Variants in FANCA observed in about 807,000 individuals in gnomAD.
FANCA encodes Fanconi anemia group A protein.
In FANCA, 236 loss-of-function variants were observed where a neutral mutation model predicts 194.3. The ratio of observed to expected loss-of-function variants is 1.21; its 90% confidence interval spans 1.09 to 1.35. The LOEUF (loss-of-function observed/expected upper bound fraction) is 1.35, where lower values mean the gene tolerates loss of function less well. Among genes scored for constraint, FANCA ranks in the 40% most tolerant of loss-of-function variants. The pLI is 0.00. For synonymous variants in FANCA, 1,014 were observed against 715.8 expected (o/e 1.42, Z -6.65); for missense variants, 2,628 against 1,813.9 (o/e 1.45, Z -8.15).
chr16:89,805,310 G>C lies in FANCA; in HGVS notation c.679C>G (p.His227Asp), dbSNP rs142580507. The change falls in exon 7 of 43, where the codon CAT (histidine) becomes GAT (aspartate). Residue 227 changes from histidine (H) to aspartate (D), a missense_variant. Transcript: ENST00000389301. ...LCEQMEASCQ[H>D]ADVARAMLSD... ...AGCATGGCCCTGGCGACGTCAGCAT[G>C]CTGGCAGGATGCTTCCATCTGTTCA... 261 of 1,613,802 alleles carry C rather than the reference G, an allele frequency of 1.6e-4. No homozygotes were observed. The highest frequency in any genetic ancestry group is 2.2e-4 in the Non-Finnish European group (256 of 1,179,898).
intron 17 of FANCA, among the ~76,000 whole-genome samples, chr16:89,780,190 A>T (rs1598130070): frequency 1.3e-5 from 2 of 151,840 alleles, no homozygotes; most frequent in African/African-American, 4.8e-5. Flanking sequence ...CAAGGTTCAG[A>T]CCCCGTGATG....
intron 8 of FANCA, among the ~76,000 whole-genome samples, chr16:89,802,472 G>A (rs1026980481): frequency 6.6e-6 from 1 of 152,042 alleles, no homozygotes; most frequent in Admixed American, 6.6e-5. Flanking sequence ...CACGATCTGG[G>A]CTCACTGCAA....
At chr16:89,759,349 A>AAAAAAAAAAAAAAAAAAAAAAG (rs1386463570) in intron 29 of FANCA, among the ~76,000 whole-genome samples, 1 of 139,460 alleles carries the variant, frequency 7.2e-6, no homozygotes, top group Non-Finnish European at 1.6e-5. Flanking sequence ...AAAAAAAAAA[A>AAAAAAAAAAAAAAAAAAAAAAG]GTAGCCTGGA....
intron 11 of FANCA, 32 bp downstream of exon 11, chr16:89,795,874 T>G: frequency 6.6e-7 from 1 of 1,520,184 alleles, no homozygotes; most frequent in Non-Finnish European, 9.1e-7. Context: ...CCAAAATGGG[T>G]AGCAACTGAG....
rs1287222023 is a variant in FANCA, at chr16:89,816,564, G to T, written c.52C>A (p.Arg18Ser). 1.3e-6 allele frequency: 2 copies of T among 1,512,642 alleles called. No individual in the cohort carries two copies. Among genetic ancestry groups the T allele is most frequent in the Non-Finnish European group, 1.8e-6 (2 of 1,138,476 alleles). 93.7% of individuals were successfully genotyped at this position (1,512,642 alleles called of 1,614,324 possible). A position where few individuals can be genotyped will look rare whatever the true frequency, so the allele number is the denominator to read the frequency against. Reference sequence around the variant, plus strand: ...AGCAGCTCGGCCCAGGCCCTCCGGCGGCCCCCTGGGTCCTGGCCCGAGGCG... The same window carrying T: ...AGCAGCTCGGCCCAGGCCCTCCGGCTGCCCCCTGGGTCCTGGCCCGAGGCG... ...NSASGQDPGG[R>S]RRAWAELLAG... The change falls in exon 1 of 43, where the codon CGC becomes AGC. Residue 18 changes from arginine to serine, a missense_variant. Coordinates refer to ENST00000389301, the MANE Select transcript of FANCA (RefSeq NM_000135.4).
chr16:89,796,812 G>T (rs1391589343), intron 10 of FANCA, among the ~76,000 whole-genome samples: 1 of 151,892 alleles, frequency 6.6e-6, no homozygotes, highest in Non-Finnish European at 1.5e-5. Flanking sequence ...CACAAGGTCA[G>T]GAGATCAAGA....
At chr16:89,778,330 G>A (rs933682772) in intron 20 of FANCA, 7 of 349,478 alleles carry the variant, frequency 2.0e-5, no homozygotes, top group African/African-American at 1.2e-4. Flanking sequence ...GCAGGGCGTG[G>A]TGGTGCATAC....
chr16:89,776,048 C>A lies in FANCA; in HGVS notation c.1827-233G>T, dbSNP rs117013109. Among the ~76,000 whole-genome samples the A allele has an allele frequency of 1.1e-3, 173 of 151,470 alleles. 2 individuals carry two copies. In the East Asian group the frequency reaches 0.028, roughly 24 times the overall value. On this transcript the variant is annotated intron_variant, in intron 20 of 42. Coordinates refer to ENST00000389301, the MANE Select transcript of FANCA (RefSeq NM_000135.4). ...ATATATTAATATCTAAGGAGCTAGA[C>A]CACAAAATACCACCAGTGATTATCC...
chr16:89,755,938 G>C (rs1329557179), intron 30 of FANCA, among the ~76,000 whole-genome samples: 1 of 149,020 alleles, frequency 6.7e-6, no homozygotes, highest in East Asian at 2.0e-4. Flanking sequence ...ACAGACCAGA[G>C]CCCCCGCACA....
In FANCA at chr16:89,767,208, A is replaced by G. The variant is rs1173704265; in HGVS notation, c.2534T>C (p.Leu845Pro). 11 of 1,613,494 alleles carry G rather than the reference A, an allele frequency of 6.8e-6. No homozygotes were observed. The highest frequency in any genetic ancestry group is 9.3e-6 in the Non-Finnish European group (11 of 1,179,536). The change falls in exon 27 of 43, where the codon CTC becomes CCC. Residue 845 changes from leucine (L) to proline (P), a missense_variant. Leu to Pro is a moderately conservative substitution (Grantham distance 98). Coordinates refer to ENST00000389301, the MANE Select transcript of FANCA (RefSeq NM_000135.4). ...KFCTAAISYS[L>P]CKFSSQSRDT... Reference sequence around the variant, plus strand: ...TCGTGACTGGGAAGAAAACTTGCAGAGAGAGTAAGAAATTGCTGCTGTACA... The same window carrying G: ...TCGTGACTGGGAAGAAAACTTGCAGGGAGAGTAAGAAATTGCTGCTGTACA...
In FANCA at chr16:89,802,091, G is replaced by A. The variant is rs1266635620; in HGVS notation, c.792+1168C>T. Among the ~76,000 whole-genome samples, 3 of 152,038 alleles carry A rather than the reference G, an allele frequency of 2.0e-5. No individual in the cohort carries two copies. In the South Asian group the frequency reaches 6.2e-4, roughly 32 times the overall value. ...AGAGATGACCGGATACAGAAAACGTGGTATATACACACAACGGAATACTGG... is the reference window on the plus strand; with the variant it reads ...AGAGATGACCGGATACAGAAAACGTAGTATATACACACAACGGAATACTGG... On this transcript the variant is annotated intron_variant, in intron 8 of 42. Coordinates refer to ENST00000389301, the MANE Select transcript of FANCA (RefSeq NM_000135.4).
intron 39 of FANCA, 58 bp downstream of exon 39, chr16:89,739,936 A>C: frequency 6.2e-7 from 1 of 1,606,310 alleles, no homozygotes; most frequent in East Asian, 2.2e-5. Context: ...AACCATTTGC[A>C]AGATGCCTCT....
In FANCA at chr16:89,775,806, T is replaced by A. The variant is rs1371765321; in HGVS notation, c.1836A>T (p.Lys612Asn). 1 of 1,611,080 alleles carries A rather than the reference T, an allele frequency of 6.2e-7. No individual in the cohort carries two copies. The highest frequency in any genetic ancestry group is 2.2e-5 in the East Asian group (1 of 44,854). The change falls in exon 21 of 43, where the codon AAA (lysine) becomes AAT (asparagine). Residue 612 changes from lysine (K) to asparagine (N), a missense_variant. Transcript: ENST00000389301. ...AFIESLKRADKIPPSLYSTYC... is the reference protein window; with the variant it reads ...AFIESLKRADNIPPSLYSTYC... ...AGGTGGAGTACAGAGATGGGGGGAT[T>A]TTATCTGCTCTGGATCACAGGAAAA...
chr16:89,746,324 C>G (rs2038386267), intron 35 of FANCA, among the ~76,000 whole-genome samples: 1 of 152,170 alleles, frequency 6.6e-6, no homozygotes, highest in Admixed American at 6.5e-5. Context: ...CCCGTGGGGT[C>G]TGAGTGGGGT....
At chr16:89,759,850 C>G (rs559043356) in intron 29 of FANCA, among the ~76,000 whole-genome samples, 3 of 152,228 alleles carry the variant, frequency 2.0e-5, no homozygotes, top group Admixed American at 2.0e-4. Flanking sequence ...ACGCTCCACA[C>G]GACCCTGCAA....
In FANCA at chr16:89,779,951, T is replaced by A; in HGVS notation, c.1633A>T (p.Ser545Cys). 9 of 1,614,170 alleles carry A rather than the reference T, an allele frequency of 5.6e-6. No homozygotes were observed. The highest frequency in any genetic ancestry group is 7.6e-6 in the Non-Finnish European group (9 of 1,180,010). ...TTTTCAACATCCTGAAGAGCTTGGC[T>A]GTGGGGCTGGTTCCCATACAGGGAG... ...SSAGDITEPH[S>C]QALQDVEKAI... is the part of the protein sequence containing the mutation. The change falls in exon 18 of 43, where the codon AGC (serine) becomes TGC (cysteine). Residue 545 changes from serine to cysteine, a missense_variant. Ser to Cys is a moderately radical substitution (Grantham distance 112, BLOSUM62 -1). Transcript: ENST00000389301.
At chr16:89,779,056 T>C in intron 18 of FANCA, 53 bp from the exon 19 acceptor site, 2 of 1,558,126 alleles carry the variant, frequency 1.3e-6, no homozygotes, top group East Asian at 4.5e-5. Flanking sequence ...AGAAGGCAAT[T>C]CCCACAGACG....
At chr16:89,760,168 C>G (rs553206825) in intron 29 of FANCA, among the ~76,000 whole-genome samples, 1 of 152,272 alleles carries the variant, frequency 6.6e-6, no homozygotes, top group Non-Finnish European at 1.5e-5. Context: ...CCTCATGCAG[C>G]AGACAAGCCC....
At chr16:89,758,957 G>A (rs546109565) in intron 29 of FANCA, among the ~76,000 whole-genome samples, 5 of 152,212 alleles carry the variant, frequency 3.3e-5, no homozygotes, top group Admixed American at 2.6e-4. Flanking sequence ...GGCCACTCAG[G>A]ATGACATCCC....
Sources: allele counts gnomAD v4.1 joint callset (sites outside exome capture counted in the v4.1 genomes callset), GRCh38; gene constraint gnomAD v4.1.1; transcripts MANE v1.5; gene names NCBI Gene and HGNC (gene_info 2026-07-23, HGNC 2026-07-21).